STPG2: variants seen among roughly 807,000 people sequenced by gnomAD.
The protein encoded by STPG2 is sperm-tail PG-rich repeat-containing protein 2.
Under a neutral mutation model 54.2 loss-of-function variants are expected in STPG2, and 56 were observed. The observed-to-expected ratio is 1.03, with a 90% CI of 0.83 to 1.29. STPG2 has a LOEUF of 1.29. Among genes scored for constraint, STPG2 ranks in the 50% most tolerant of loss-of-function variants. STPG2 has a pLI of 0.00. For synonymous variants in STPG2, 200 were observed against 181.8 expected (o/e 1.10, Z -0.81); for missense variants, 596 against 544.9 (o/e 1.09, Z -0.93).
At chr4:97,520,350 T>G (rs912992917) in intron 4 of STPG2, among the ~76,000 whole-genome samples, 1 of 152,104 alleles carries the variant, frequency 6.6e-6, no homozygotes, top group Non-Finnish European at 1.5e-5. Flanking sequence ...ATGTCAATGA[T>G]GGCTATTAAT....
intron 10 of STPG2, among the ~76,000 whole-genome samples, chr4:97,679,333 T>C (rs1366756437): frequency 6.6e-6 from 1 of 152,118 alleles, no homozygotes; most frequent in Non-Finnish European, 1.5e-5. Context: ...TGGTGTGAGA[T>C]GGTATCTCAT....
intron 8 of STPG2, among the ~76,000 whole-genome samples, chr4:97,909,974 G>A (rs1731616381): frequency 6.6e-6 from 1 of 152,080 alleles, no homozygotes; most frequent in African/African-American, 2.4e-5. Context: ...CATAGGATTT[G>A]TAAAGTCACT....
intron 8 of STPG2, among the ~76,000 whole-genome samples, chr4:97,848,527 A>T (rs1388067406): frequency 1.3e-5 from 2 of 152,054 alleles, no homozygotes; most frequent in African/African-American, 4.8e-5. Flanking sequence ...AGGTCCTTTC[A>T]TGTTTTTTGC....
At chr4:97,606,429 T>C (rs1005941689) in intron 10 of STPG2, among the ~76,000 whole-genome samples, 3 of 151,890 alleles carry the variant, frequency 2.0e-5, no homozygotes, top group Non-Finnish European at 4.4e-5. Context: ...AGCTGCATTG[T>C]ACCAAAAATA....
chr4:97,814,577 T>C (rs946542404), intron 9 of STPG2, among the ~76,000 whole-genome samples: 1 of 152,074 alleles, frequency 6.6e-6, no homozygotes. Context: ...TCAACTTGAT[T>C]GGATTGAAGG....
chr4:97,635,731 AAAG>A (rs1721493172), intron 10 of STPG2, among the ~76,000 whole-genome samples: 2 of 50,196 alleles, frequency 4.0e-5, no homozygotes, highest in South Asian at 1.4e-3. Context: ...ACAAAGATCG[AAAG>A]AGACAAAGAA....
In STPG2 at chr4:98,020,270, G is replaced by C. The variant is rs979617214; in HGVS notation, c.613-38952C>G. On this transcript the variant is annotated intron_variant, in intron 5 of 10. Coordinates refer to ENST00000295268, the MANE Select transcript of STPG2 (RefSeq NM_174952.3). ...CAAAGGCCTTTTCTGCATCTATTGA[G>C]ATAATCATGTGGTTTTTGTCTTTGG... is the stretch of plus-strand genomic sequence containing the variant. 3.0e-5 allele frequency among the ~76,000 whole-genome samples: 4 copies of C among 131,402 alleles called. 1 individual carries two copies. The highest frequency in any genetic ancestry group is 2.9e-4 in the Admixed American group (4 of 13,592). 86.2% of individuals were successfully genotyped at this position (131,402 alleles called of 152,430 possible).
intron 8 of STPG2, among the ~76,000 whole-genome samples, chr4:97,914,243 T>C (rs774332298): frequency 1.3e-5 from 2 of 152,064 alleles, no homozygotes; most frequent in Non-Finnish European, 2.9e-5. Context: ...AGAAATTTCT[T>C]TTAAGGTAAA....
At chr4:97,799,013 T>A (rs1727291817) in intron 9 of STPG2, among the ~76,000 whole-genome samples, 1 of 101,494 alleles carries the variant, frequency 9.9e-6, no homozygotes, top group Non-Finnish European at 1.9e-5. Context: ...AACCCCTGCC[T>A]TTTTTTGTTT....
intron 9 of STPG2, among the ~76,000 whole-genome samples, chr4:97,786,652 C>T (rs1011501311): frequency 2.6e-5 from 4 of 152,044 alleles, no homozygotes; most frequent in African/African-American, 9.7e-5. Flanking sequence ...AAATCTCATA[C>T]CATCCTGCTC....
At chr4:97,466,393 A>G (rs1368035704) in intron 4 of STPG2, among the ~76,000 whole-genome samples, 1 of 152,024 alleles carries the variant, frequency 6.6e-6, no homozygotes, top group Non-Finnish European at 1.5e-5. Flanking sequence ...CTTGAACTAT[A>G]CTGTCTACAT....
intron 10 of STPG2, among the ~76,000 whole-genome samples, chr4:97,635,404 C>T (rs1363708563): frequency 1.3e-5 from 2 of 152,096 alleles, no homozygotes; most frequent in Non-Finnish European, 2.9e-5. Context: ...ATGTAAAGAC[C>T]ATTGAGACTA....
At chr4:97,875,422 T>C (rs1230917199) in intron 8 of STPG2, among the ~76,000 whole-genome samples, 1 of 141,062 alleles carries the variant, frequency 7.1e-6, no homozygotes, top group Non-Finnish European at 1.6e-5. Flanking sequence ...TAATGACTCG[T>C]AAGGAAAAAA....
Position 97,651,673 on chromosome 4 carries a change from C to T in STPG2, c.1320+61026G>A, listed in dbSNP as rs184342287. On this transcript the variant is annotated intron_variant, in intron 10 of 10. Coordinates refer to ENST00000295268, the MANE Select transcript of STPG2 (RefSeq NM_174952.3). ...CATTTTCCCCTCTTTTATCACTTTA[C>T]AGATAACATGATAAAAGCAAAGAAG... 7.2e-5 allele frequency among the ~76,000 whole-genome samples: 11 copies of T among 151,900 alleles called. No homozygotes were observed. In the East Asian group the frequency reaches 1.4e-3, roughly 19 times the overall value.
intron 10 of STPG2, among the ~76,000 whole-genome samples, chr4:97,613,186 G>T (rs1340465322): frequency 1.3e-5 from 2 of 151,976 alleles, no homozygotes; most frequent in Non-Finnish European, 2.9e-5. Context: ...ATCTAATCCA[G>T]AATATAACAG....
chr4:97,693,762 G>T (rs765079276), intron 10 of STPG2, among the ~76,000 whole-genome samples: 1 of 152,056 alleles, frequency 6.6e-6, no homozygotes, highest in Non-Finnish European at 1.5e-5. Context: ...CCATATGATA[G>T]AACACAAAAC....
intron 4 of STPG2, among the ~76,000 whole-genome samples, chr4:97,471,149 CTAAT>C (rs1467898086): frequency 6.6e-6 from 1 of 152,080 alleles, no homozygotes; most frequent in Admixed American, 6.6e-5. Context: ...TTAAAACTTA[CTAAT>C]TATTTATTTT....
intron 10 of STPG2, among the ~76,000 whole-genome samples, chr4:97,630,048 T>C (rs915254407): frequency 4.6e-5 from 7 of 151,966 alleles, no homozygotes; most frequent in African/African-American, 1.7e-4. Flanking sequence ...CTGTTAGGTT[T>C]ATAATCCATA....
intron 9 of STPG2, among the ~76,000 whole-genome samples, chr4:97,743,692 A>G (rs750199316): frequency 6.6e-6 from 1 of 151,674 alleles, no homozygotes; most frequent in Non-Finnish European, 1.5e-5. Context: ...ATTTCAATGG[A>G]ATGGAAAGTA....
Sources: allele counts gnomAD v4.1 joint callset (sites outside exome capture counted in the v4.1 genomes callset), GRCh38; gene constraint gnomAD v4.1.1; transcripts MANE v1.5; gene names NCBI Gene and HGNC (gene_info 2026-07-23, HGNC 2026-07-21).